Variants in ZNF804A observed in about 807,000 individuals in gnomAD.
ZNF804A encodes the protein zinc finger protein 804A.
A neutral mutation model predicts 16.5 loss-of-function variants in ZNF804A; 2 were observed. The observed-to-expected ratio is 0.12, with a 90% CI of 0.05 to 0.38. The LOEUF (loss-of-function observed/expected upper bound fraction) is 0.38. Among genes scored for constraint, ZNF804A ranks in the 10% least tolerant of loss-of-function variants. The probability of loss-of-function intolerance (pLI) is 0.99; values close to 1 mark genes in which losing one functional copy is unlikely to be tolerated. For synonymous variants in ZNF804A, 534 were observed against 489.6 expected (o/e 1.09, Z -1.20); for missense variants, 1,473 against 1,390.7 (o/e 1.06, Z -0.94).
chr2:184,736,027 C>T (rs1023460421), intron 1 of ZNF804A, among the ~76,000 whole-genome samples: 7 of 152,052 alleles, frequency 4.6e-5, no homozygotes, highest in South Asian at 2.1e-4. Flanking sequence ...GGAAATGTAC[C>T]GGATCCTGAA....
chr2:184,911,311 T>G (rs980158176), intron 2 of ZNF804A, among the ~76,000 whole-genome samples: 3 of 151,920 alleles, frequency 2.0e-5, no homozygotes, highest in South Asian at 4.2e-4. Context: ...GGTTTGCTCT[T>G]CGGTTCCATT....
intron 1 of ZNF804A, among the ~76,000 whole-genome samples, chr2:184,762,062 T>C (rs915401164): frequency 6.6e-6 from 1 of 152,074 alleles, no homozygotes; most frequent in African/African-American, 2.4e-5. Flanking sequence ...GGAATATATC[T>C]CTGTCACATT....
At chr2:184,837,235 C>T (rs1445434667) in intron 1 of ZNF804A, among the ~76,000 whole-genome samples, 1 of 151,986 alleles carries the variant, frequency 6.6e-6, no homozygotes, top group Non-Finnish European at 1.5e-5. Context: ...CCTTATTATT[C>T]CTCCTCATAA....
At chr2:184,813,086 C>T (rs375252896) in intron 1 of ZNF804A, among the ~76,000 whole-genome samples, 3 of 152,012 alleles carry the variant, frequency 2.0e-5, no homozygotes, top group East Asian at 3.9e-4. Flanking sequence ...GTCTGAGAGT[C>T]GGCTTTGAGT....
chr2:184,787,035 G>T (rs10192464), intron 1 of ZNF804A, among the ~76,000 whole-genome samples: 1 of 151,890 alleles, frequency 6.6e-6, no homozygotes, highest in South Asian at 2.1e-4. Flanking sequence ...AATGGTTGGG[G>T]TTGGGCTTCT....
Position 184,655,616 on chromosome 2 carries a change from G to A in ZNF804A, c.111+56546G>A, listed in dbSNP as rs1002745005. On this transcript the variant is annotated intron_variant, in intron 1 of 3. Transcript: ENST00000302277. ...ATTTTGATTTTATTCAATATAATTT[G>A]TAGATATAGGTTCAATGAAATATAA... 2.6e-5 allele frequency among the ~76,000 whole-genome samples: 4 copies of A among 152,042 alleles called. No homozygotes were observed. In the East Asian group the frequency reaches 5.8e-4, roughly 22 times the overall value.
At chr2:184,873,043 A>T (rs1695998721) in intron 2 of ZNF804A, among the ~76,000 whole-genome samples, 1 of 152,198 alleles carries the variant, frequency 6.6e-6, no homozygotes, top group African/African-American at 2.4e-5. Context: ...CCTTATTTTT[A>T]AAAAAGAGAT....
At chr2:184,611,004 G>A (rs536192901) in intron 1 of ZNF804A, among the ~76,000 whole-genome samples, 60 of 152,214 alleles carry the variant, frequency 3.9e-4, no homozygotes, top group Non-Finnish European at 6.8e-4. Flanking sequence ...AAATACCACT[G>A]ATTGAGTGGC....
At position 184,938,244 on chromosome 2, in the gene ZNF804A, A is replaced by C. The variant is rs758340919; in HGVS notation, c.2848A>C (p.Ile950Leu). The change falls in exon 4 of 4, where the codon ATT becomes CTT. Residue 950 changes from isoleucine to leucine, a missense_variant. By Grantham distance (5) the Ile-to-Leu change is conservative. Coordinates refer to ENST00000302277, the MANE Select transcript of ZNF804A (RefSeq NM_194250.2). ...GAATATAAATCTTAATGAAAAGCAAATTCCTTTTCAGGTGCCTAATATTGA... is the reference window on the plus strand; with the variant it reads ...GAATATAAATCTTAATGAAAAGCAACTTCCTTTTCAGGTGCCTAATATTGA... ...SENINLNEKQ[I>L]PFQVPNIERN... The C allele has an allele frequency of 6.2e-7, 1 of 1,614,034 alleles. No individual in the cohort carries two copies. The highest frequency in any genetic ancestry group is 1.1e-5 in the South Asian group (1 of 91,082).
intron 1 of ZNF804A, among the ~76,000 whole-genome samples, chr2:184,833,881 A>C (rs1695303973): frequency 6.6e-6 from 1 of 152,074 alleles, no homozygotes; most frequent in African/African-American, 2.4e-5. Flanking sequence ...TTAGAGTATA[A>C]AAAAATTATT....
chr2:184,599,327 C>G (rs928835727), intron 1 of ZNF804A, among the ~76,000 whole-genome samples: 3 of 152,052 alleles, frequency 2.0e-5, no homozygotes. Context: ...CACAGTCTCT[C>G]CTTATTTGAA....
chr2:184,853,416 G>A (rs1193878766), intron 1 of ZNF804A, among the ~76,000 whole-genome samples: 1 of 151,740 alleles, frequency 6.6e-6, no homozygotes, highest in Admixed American at 6.6e-5. Flanking sequence ...GTATGGATAG[G>A]ACTTCCAATA....
In ZNF804A at chr2:184,936,827, G is replaced by T; in HGVS notation, c.1431G>T (p.Lys477Asn). The T allele has an allele frequency of 6.2e-7, 1 of 1,612,902 alleles. No individual in the cohort carries two copies. Among genetic ancestry groups the T allele is most frequent in the Non-Finnish European group, 8.5e-7 (1 of 1,179,632 alleles). Residue 477 changes from lysine to asparagine, a missense_variant, in exon 4 of 4, where the codon AAG becomes AAT. Transcript: ENST00000302277. ...TAAATAATAATCTAGATAAAAATAA[G>T]CCAGACTTAAAAGATCTTTGTTCTC... Reference protein sequence around the residue: ...TKVNNNLDKNKPDLKDLCSQQ... With the variant: ...TKVNNNLDKNNPDLKDLCSQQ...
chr2:184,648,996 C>T (rs1691931682), intron 1 of ZNF804A, among the ~76,000 whole-genome samples: 1 of 151,938 alleles, frequency 6.6e-6, no homozygotes, highest in African/African-American at 2.4e-5. Context: ...GTAATCTGCA[C>T]ACGGAACACG....
At chr2:184,854,428 T>C (rs1695656640) in intron 1 of ZNF804A, among the ~76,000 whole-genome samples, 1 of 152,114 alleles carries the variant, frequency 6.6e-6, no homozygotes, top group African/African-American at 2.4e-5. Context: ...CAACAACAAG[T>C]TCCCTGTGAT....
At position 184,663,374 on chromosome 2, in the gene ZNF804A, T is replaced by C. The variant is rs114817971; in HGVS notation, c.111+64304T>C. 9.7e-3 allele frequency among the ~76,000 whole-genome samples: 1,473 copies of C among 152,210 alleles called. 16 individuals carry two copies. Among genetic ancestry groups the C allele is most frequent in the African/African-American group, 0.034 (1,399 of 41,534 alleles). ...CGGGTGGTGCTGATATGCCATTCCC[T>C]TGCCACCTGGGCCCCCTCTAGACTT... On this transcript the variant is annotated intron_variant, in intron 1 of 3. Coordinates refer to ENST00000302277, the MANE Select transcript of ZNF804A (RefSeq NM_194250.2).
chr2:184,806,515 AATG>A (rs1365491927), intron 1 of ZNF804A, among the ~76,000 whole-genome samples: 1 of 151,864 alleles, frequency 6.6e-6, no homozygotes, highest in African/African-American at 2.4e-5. Flanking sequence ...CACAATCAGG[AATG>A]ATGAGCAAGA....
At chr2:184,827,165 T>C (rs1195686819) in intron 1 of ZNF804A, among the ~76,000 whole-genome samples, 10 of 151,716 alleles carry the variant, frequency 6.6e-5, no homozygotes, top group Non-Finnish European at 1.2e-4. Context: ...TTTAACTAAG[T>C]GTGAATAATT....
chr2:184,693,610 C>T (rs1024256665), intron 1 of ZNF804A, among the ~76,000 whole-genome samples: 3 of 152,128 alleles, frequency 2.0e-5, no homozygotes, highest in African/African-American at 7.2e-5. Context: ...TTTTGACTTC[C>T]AGTCAATTTA....
Sources: gnomAD v4.1 joint callset for allele counts (sites outside exome capture counted in the v4.1 genomes callset) on GRCh38, gnomAD v4.1.1 for gene constraint, MANE v1.5 for transcripts, NCBI Gene and HGNC (gene_info 2026-07-23, HGNC 2026-07-21) for gene names.